FGD3: variants seen among roughly 807,000 people sequenced by gnomAD.
The protein encoded by FGD3 is FYVE, RhoGEF and PH domain-containing protein 3.
In FGD3, 45 loss-of-function variants were observed where a neutral mutation model predicts 71.8. That is an observed-to-expected ratio of 0.63 (90% CI 0.49 to 0.80). FGD3 has a LOEUF of 0.80. Among genes scored for constraint, FGD3 ranks in the 30% least tolerant of loss-of-function variants. FGD3 has a pLI of 0.00. For synonymous variants in FGD3, 378 were observed against 392.8 expected (o/e 0.96, Z 0.44); for missense variants, 844 against 951.5 (o/e 0.89, Z 1.49).
chr9:93,028,812 C>G (rs2118831274), intron 14 of FGD3, among the ~76,000 whole-genome samples: 2 of 152,210 alleles, frequency 1.3e-5, no homozygotes, highest in South Asian at 4.1e-4. Flanking sequence ...ACTGGGGTCT[C>G]TCCACCTGGC....
intron 9 of FGD3, among the ~76,000 whole-genome samples, chr9:93,014,259 G>GC (rs374299574): frequency 6.6e-6 from 1 of 151,972 alleles, no homozygotes; most frequent in East Asian, 1.9e-4. Context: ...ATCCCTCGTA[G>GC]CCCATACCTC....
At chr9:93,014,050 T>C in intron 9 of FGD3, 52 bp downstream of exon 9, 3 of 1,564,232 alleles carry the variant, frequency 1.9e-6, no homozygotes, top group Non-Finnish European at 2.6e-6. Context: ...GCCATTTGCC[T>C]CAAGCCCAGG....
intron 3 of FGD3, among the ~76,000 whole-genome samples, chr9:92,982,740 A>G (rs1012291960): frequency 1.3e-5 from 2 of 152,068 alleles, no homozygotes; most frequent in African/African-American, 4.8e-5. Context: ...CTCCAACGTT[A>G]TCAGAAACCT....
At chr9:93,017,998 C>A in intron 10 of FGD3, 138 bp from the exon 11 acceptor site, 1 of 782,058 alleles carries the variant, frequency 1.3e-6, no homozygotes. Context: ...CCTCTGCACC[C>A]CTCTCCCTGC....
intron 3 of FGD3, among the ~76,000 whole-genome samples, chr9:93,002,517 C>G (rs937848976): frequency 6.6e-6 from 1 of 152,088 alleles, no homozygotes; most frequent in Non-Finnish European, 1.5e-5. Flanking sequence ...ACCAATTTCC[C>G]TACACCTTTT....
chr9:92,948,342 A>G (rs1184808782), intron 1 of FGD3, among the ~76,000 whole-genome samples: 2 of 152,226 alleles, frequency 1.3e-5, no homozygotes, highest in African/African-American at 4.8e-5. Context: ...GCTGCTAGGC[A>G]GAAGTTTGAG....
chr9:93,013,839 A>G lies in FGD3; in HGVS notation c.1036-13A>G, dbSNP rs373582274. 1.2e-6 allele frequency: 2 copies of G among 1,612,230 alleles called. No individual in the cohort carries two copies. Among genetic ancestry groups the G allele is most frequent in the Non-Finnish European group, 1.7e-6 (2 of 1,179,300 alleles). On this transcript the variant is annotated splice_polypyrimidine_tract_variant and intron_variant, in intron 8 of 17. Transcript: ENST00000375482. ...CACAGACCTTTGGTGCCTGAGTCCC[A>G]TGTCTCTTGCAGGAGAAAATGCACA...
intron 1 of FGD3, among the ~76,000 whole-genome samples, chr9:92,949,747 G>A (rs1858919636): frequency 1.3e-5 from 2 of 152,106 alleles, no homozygotes. Context: ...AATGTGCCAG[G>A]AAGGACAGGG....
At chr9:92,972,505 T>A (rs974257261) in intron 1 of FGD3, among the ~76,000 whole-genome samples, 1 of 151,904 alleles carries the variant, frequency 6.6e-6, no homozygotes, top group African/African-American at 2.4e-5. Flanking sequence ...GGTATAGAAT[T>A]AGCATCATTA....
At chr9:92,988,110 A>C (rs1860258989) in intron 3 of FGD3, among the ~76,000 whole-genome samples, 1 of 152,210 alleles carries the variant, frequency 6.6e-6, no homozygotes, top group South Asian at 2.1e-4. Context: ...TTGAAGGGTG[A>C]GGAGGGCGGA....
chr9:93,028,995 GTTTTTTTTTTTTTTTTTTTTTTTT>G (rs869235976), intron 14 of FGD3, among the ~76,000 whole-genome samples: 35 of 51,754 alleles, frequency 6.8e-4, no homozygotes, highest in South Asian at 2.8e-3. Flanking sequence ...TGTCCTCACA[GTTTTTTTTTTTTTTTTTTTTTTTT>G]TTTTTTTTTT....
intron 2 of FGD3, among the ~76,000 whole-genome samples, chr9:92,975,780 TGAGGAG>T (rs138561005): frequency 6.6e-6 from 1 of 151,306 alleles, no homozygotes; most frequent in Non-Finnish European, 1.5e-5. Context: ...CAGGCAGTGG[TGAGGAG>T]GAGGAGGAGG....
At chr9:93,035,124 A>G (rs966858594) in intron 17 of FGD3, among the ~76,000 whole-genome samples, 5 of 152,116 alleles carry the variant, frequency 3.3e-5, no homozygotes, top group Admixed American at 6.5e-5. Context: ...CCCCCTCCCT[A>G]TATCTCCCTC....
Position 92,976,698 on chromosome 9 carries a change from G to C in FGD3, c.442G>C (p.Gly148Arg). The change falls in exon 3 of 18, where the codon GGC becomes CGC. Residue 148 changes from glycine to arginine, a missense_variant. Gly to Arg is a moderately radical substitution (Grantham distance 125, BLOSUM62 -2). Coordinates refer to ENST00000375482, the MANE Select transcript of FGD3 (RefSeq NM_001083536.2). Reference protein sequence around the residue: ...NTPQKADKDAGLAQHSGPQKL... With the variant: ...NTPQKADKDARLAQHSGPQKL... ...CCCCCAGAAGGCTGACAAGGATGCC[G>C]GCCTGGCCCAGGTAGGCTTCCCCTT... 6.3e-7 allele frequency: 1 copy of C among 1,584,196 alleles called. No homozygotes were observed. Among genetic ancestry groups the C allele is most frequent in the African/African-American group, 1.3e-5 (1 of 74,400 alleles).
intron 3 of FGD3, among the ~76,000 whole-genome samples, chr9:92,986,194 C>T (rs1860179884): frequency 6.6e-6 from 1 of 152,200 alleles, no homozygotes. Context: ...CTATGGGTCT[C>T]TTGTGCCTAT....
At chr9:92,988,268 C>T (rs1022014122) in intron 3 of FGD3, among the ~76,000 whole-genome samples, 2 of 152,226 alleles carry the variant, frequency 1.3e-5, no homozygotes, top group Non-Finnish European at 2.9e-5. Flanking sequence ...CATAAGGCTC[C>T]AAGCTACCAC....
chr9:92,976,495 G>T lies in FGD3; in HGVS notation c.239G>T (p.Ser80Ile). 4 of 1,612,458 alleles carry T rather than the reference G, an allele frequency of 2.5e-6. No homozygotes were observed. The highest frequency in any genetic ancestry group is 3.4e-6 in the Non-Finnish European group (4 of 1,179,708). ...CCCAACCGGGACAGCGGGATCGACA[G>T]TCCCTCCTCCAGTGTGGCTGGAGAG... ...KIPNRDSGID[S>I]PSSSVAGENF... The change falls in exon 3 of 18, where the codon AGT becomes ATT. Residue 80 changes from serine to isoleucine, a missense_variant. Ser to Ile is a moderately radical substitution (Grantham distance 142). Transcript: ENST00000375482.
At chr9:93,018,068 G>T in intron 10 of FGD3, 68 bp from the exon 11 acceptor site, 1 of 1,472,670 alleles carries the variant, frequency 6.8e-7, no homozygotes, top group Non-Finnish European at 9.5e-7. Context: ...TTCTAAGTCA[G>T]AAAACATGAG....
In FGD3 at chr9:93,019,823, T is replaced by C; in HGVS notation, c.1356-8T>C. ...CTGGATTAATACAAGACCGTTTTGG[T>C]TTTTTAGGACAGAGGAAGAGAAGAA... On this transcript the variant is annotated splice_region_variant and splice_polypyrimidine_tract_variant and intron_variant, in intron 11 of 17. Transcript: ENST00000375482. 1 of 1,613,664 alleles carries C rather than the reference T, an allele frequency of 6.2e-7. No homozygotes were observed. Among genetic ancestry groups the C allele is most frequent in the South Asian group, 1.1e-5 (1 of 91,038 alleles).
Sources: allele counts gnomAD v4.1 joint callset (sites outside exome capture counted in the v4.1 genomes callset), GRCh38; gene constraint gnomAD v4.1.1; transcripts MANE v1.5; gene names NCBI Gene and HGNC (gene_info 2026-07-23, HGNC 2026-07-21).